RXRA: variants seen among roughly 807,000 people sequenced by gnomAD.
The protein encoded by RXRA is retinoic acid receptor RXR-alpha.
RXRA carries 5 observed loss-of-function variants against 44.5 expected under a neutral mutation model. The observed-to-expected ratio is 0.11, with a 90% confidence interval of 0.06 to 0.24. The LOEUF is 0.24. Ranked by LOEUF, RXRA falls within the 10% of genes least tolerant of loss-of-function variation. The probability of loss-of-function intolerance (pLI) is 1.00; values close to 1 mark genes in which losing one functional copy is unlikely to be tolerated. For synonymous variants in RXRA, 291 were observed against 271.4 expected, an observed-to-expected ratio of 1.07 and a Z score of -0.71; for missense variants, 412 against 646.5, an observed-to-expected ratio of 0.64 and a Z score of 3.93.
At chr9:134,354,734 C>T (rs1187419276) in intron 1 of RXRA, among the ~76,000 whole-genome samples, 3 of 152,210 alleles carry the variant, frequency 2.0e-5, no homozygotes, top group African/African-American at 7.2e-5. Context: ...GTTCAGAGGC[C>T]GTGTTGTTGC....
At chr9:134,354,415 G>A (rs1333403676) in intron 1 of RXRA, among the ~76,000 whole-genome samples, 1 of 152,244 alleles carries the variant, frequency 6.6e-6, no homozygotes, top group Non-Finnish European at 1.5e-5. Context: ...CGGTGCGTGT[G>A]TGGTGGTGGA....
intron 1 of RXRA, chr9:134,379,235 G>A: frequency 1.1e-6 from 1 of 945,708 alleles, no homozygotes; most frequent in Non-Finnish European, 1.2e-6. Flanking sequence ...CCTGATCCCT[G>A]TGGGCTCCCT....
rs570996913 is a variant in RXRA, at chr9:134,332,462, G to T, written c.28+5803G>T. Among the ~76,000 whole-genome samples, 3 of 152,010 alleles carry T rather than the reference G, an allele frequency of 2.0e-5. No homozygotes were observed. In the South Asian group the frequency reaches 6.2e-4, roughly 32 times the overall value. On this transcript the variant is annotated intron_variant, in intron 1 of 9. Transcript: ENST00000481739. ...GGAGGCGGGGATTGCTGGTGGGCTT[G>T]TCCACACGTGGCTTAGGGAGCGCCC...
At chr9:134,360,693 G>A (rs1388340556) in intron 1 of RXRA, among the ~76,000 whole-genome samples, 1 of 152,206 alleles carries the variant, frequency 6.6e-6, no homozygotes, top group Non-Finnish European at 1.5e-5. Context: ...CGTGTATTGG[G>A]GGTGAATCCA....
At chr9:134,341,574 C>T (rs1448206790) in intron 1 of RXRA, among the ~76,000 whole-genome samples, 3 of 152,246 alleles carry the variant, frequency 2.0e-5, no homozygotes, top group South Asian at 2.1e-4. Flanking sequence ...AGTCTCCACC[C>T]GGCTTCCTGG....
At chr9:134,354,783 CTT>C (rs1437034492) in intron 1 of RXRA, among the ~76,000 whole-genome samples, 1 of 152,258 alleles carries the variant, frequency 6.6e-6, no homozygotes, top group African/African-American at 2.4e-5. Context: ...CCTCCGCTGT[CTT>C]TGGCCCTCCA....
At chr9:134,332,421 T>G (rs1363334892) in intron 1 of RXRA, among the ~76,000 whole-genome samples, 1 of 152,082 alleles carries the variant, frequency 6.6e-6, no homozygotes, top group Non-Finnish European at 1.5e-5. Context: ...GGCAGAGCCT[T>G]GACAACCCTG....
rs1324811690 is a variant in RXRA, at chr9:134,433,948, G to T, written c.1136-154G>T. 6.6e-6 allele frequency among the ~76,000 whole-genome samples: 1 copy of T among 152,034 alleles called. No homozygotes were observed. The highest frequency in any genetic ancestry group is 1.5e-5 in the Non-Finnish European group (1 of 67,988). ...GTCCCCCTGCCACCAGGCTCTGGGGGAGCGGGCGGAGGCATGTCCAGCGGC... is the reference window on the plus strand; with the variant it reads ...GTCCCCCTGCCACCAGGCTCTGGGGTAGCGGGCGGAGGCATGTCCAGCGGC... On this transcript the variant is annotated intron_variant, in intron 8 of 9. Transcript: ENST00000481739. This position sits in a 1 kb window ranked among gnomAD's most constrained non-coding sequence, Gnocchi z 4.2.
intron 6 of RXRA, chr9:134,425,670 A>G: frequency 1.0e-6 from 1 of 985,150 alleles, no homozygotes; most frequent in Non-Finnish European, 1.2e-6. Flanking sequence ...TGGGGACAGC[A>G]CACCACTTTA....
At chr9:134,327,194 G>A (rs1205160900) in intron 1 of RXRA, among the ~76,000 whole-genome samples, 2 of 152,108 alleles carry the variant, frequency 1.3e-5, no homozygotes, top group South Asian at 2.1e-4. Context: ...CCCACGCCCG[G>A]GTGGGCAGGG....
chr9:134,435,485 T>C (rs1831604581), intron 9 of RXRA, among the ~76,000 whole-genome samples: 1 of 146,060 alleles, frequency 6.8e-6, no homozygotes, highest in Non-Finnish European at 1.5e-5. Context: ...CCGGCCAGCC[T>C]TCTCTGACCA....
chr9:134,377,537 G>T (rs1830575154), intron 1 of RXRA, among the ~76,000 whole-genome samples: 1 of 152,174 alleles, frequency 6.6e-6, no homozygotes, highest in South Asian at 2.1e-4. Flanking sequence ...CCGTGTGTGT[G>T]TGCCCTGCAG....
chr9:134,330,014 T>C (rs11793206), intron 1 of RXRA, among the ~76,000 whole-genome samples: 47,664 of 152,124 alleles, frequency 0.31, 7,703 homozygotes, highest in African/African-American at 0.37. Context: ...GGGTGAAAGC[T>C]TTACAGGTCC....
In RXRA at chr9:134,427,196, G is replaced by A. The variant is rs1051932785; in HGVS notation, c.911-1912G>A. On this transcript the variant is annotated intron_variant, in intron 6 of 9. Coordinates refer to ENST00000481739, the MANE Select transcript of RXRA (RefSeq NM_002957.6). The stretch of plus-strand genomic sequence containing the variant: ...AAAAAAAAAAAAAAGAGGGTTCTGT[G>A]GTCAAAGAAAATCTGGCTGGGCAGT... 3 of 982,754 alleles carry A rather than the reference G, an allele frequency of 3.1e-6. No homozygotes were observed. The African/African-American group carries it at 5.2e-5, about 17-fold the overall frequency. 60.9% of individuals were successfully genotyped at this position (982,754 alleles called of 1,614,324 possible).
In RXRA at chr9:134,433,995, C is replaced by A; in HGVS notation, c.1136-107C>A. 1 of 760,158 alleles carries A rather than the reference C, an allele frequency of 1.3e-6. No individual in the cohort carries two copies. The highest frequency in any genetic ancestry group is 2.2e-6 in the Non-Finnish European group (1 of 455,952). The allele number at this position is 760,158 out of a possible 1,614,324, so 47.1% of individuals were successfully genotyped here. A position where few individuals can be genotyped will look rare whatever the true frequency, so the allele number is the denominator to read the frequency against. The stretch of plus-strand genomic sequence containing the variant: ...CGGCATTCCTCCACCACCTGCTCTG[C>A]CCATGGTGGGGCAGCCTGGGAGACC... On this transcript the variant is annotated intron_variant, in intron 8 of 9. Coordinates refer to ENST00000481739, the MANE Select transcript of RXRA (RefSeq NM_002957.6). This position sits in a 1 kb window ranked among gnomAD's most constrained non-coding sequence, Gnocchi z 4.2.
chr9:134,331,229 C>T (rs996452700), intron 1 of RXRA, among the ~76,000 whole-genome samples: 2 of 152,226 alleles, frequency 1.3e-5, no homozygotes, highest in Non-Finnish European at 2.9e-5. Flanking sequence ...CCCACCCGAG[C>T]CTGGTGCGAG....
rs1177596231 is a variant in RXRA at position 134,417,749 on chromosome 9, T to C, written c.780+422T>C. On this transcript the variant is annotated intron_variant, in intron 5 of 9. Transcript: ENST00000481739. The surrounding 1 kb of genome is among the most constrained non-coding windows in gnomAD (Gnocchi z 6.1). ...GCCCCCAGCAAGAGGCTCTGCAGGT[T>C]GGTTCCAGGGCTGGCTCTGCCAGCA... Among the ~76,000 whole-genome samples, 1 of 152,018 alleles carries C rather than the reference T, an allele frequency of 6.6e-6. No individual in the cohort carries two copies. The highest frequency in any genetic ancestry group is 1.9e-4 in the East Asian group (1 of 5,166).
At chr9:134,430,105 C>G (rs926085842) in intron 7 of RXRA, among the ~76,000 whole-genome samples, 1 of 152,228 alleles carries the variant, frequency 6.6e-6, no homozygotes, top group East Asian at 1.9e-4. Flanking sequence ...CCAGGATGGT[C>G]TCGATCTCCT....
At chr9:134,393,029 A>AG (rs904907242) in intron 1 of RXRA, among the ~76,000 whole-genome samples, 20 of 151,532 alleles carry the variant, frequency 1.3e-4, no homozygotes, top group Non-Finnish European at 2.9e-4. Context: ...TCTTCTTAAA[A>AG]AAAAAAAACC....
Sources: allele counts gnomAD v4.1 joint callset (sites outside exome capture counted in the v4.1 genomes callset), GRCh38; gene constraint gnomAD v4.1.1; non-coding constraint Gnocchi (gnomAD v3.1); transcripts MANE v1.5; gene names NCBI Gene and HGNC (gene_info 2026-07-23, HGNC 2026-07-21).